Variants in PMEPA1 observed in about 807,000 individuals in gnomAD.
The protein encoded by PMEPA1 is protein TMEPAI.
In PMEPA1, 11 loss-of-function variants were observed where a neutral mutation model predicts 23.0. The observed-to-expected ratio is 0.48, with a 90% CI of 0.30 to 0.79. The LOEUF (loss-of-function observed/expected upper bound fraction) is 0.79. Among genes scored for constraint, PMEPA1 ranks in the 30% least tolerant of loss-of-function variants. The pLI, the probability that PMEPA1 is intolerant of heterozygous loss-of-function variation, is 0.06. For missense variants in PMEPA1, 377 were observed against 390.9 expected, an observed-to-expected ratio of 0.96 and a Z score of 0.30; for synonymous variants, 204 against 166.4, an observed-to-expected ratio of 1.23 and a Z score of -1.74.
At chr20:57,700,136 T>A (rs1238134189) in intron 1 of PMEPA1, 1 of 471,332 alleles carries the variant, frequency 2.1e-6, no homozygotes, top group South Asian at 1.5e-5. Flanking sequence ...CAGCAGAGAC[T>A]CTTCCACTCC....
At chr20:57,698,507 A>G (rs1049438846) in intron 1 of PMEPA1, among the ~76,000 whole-genome samples, 3 of 152,240 alleles carry the variant, frequency 2.0e-5, no homozygotes, top group Non-Finnish European at 2.9e-5. Flanking sequence ...TGGCTTTTAC[A>G]GACACCAATT....
chr20:57,710,665 C>G, upstream of PMEPA1: 1 of 534,926 alleles, frequency 1.9e-6, no homozygotes, highest in Non-Finnish European at 3.3e-6. Flanking sequence ...GCCGGCGGGA[C>G]CTGGGGCGAA....
At chr20:57,674,783 C>A (rs1273280298) in intron 1 of PMEPA1, among the ~76,000 whole-genome samples, 2 of 152,220 alleles carry the variant, frequency 1.3e-5, no homozygotes, top group African/African-American at 4.8e-5. Flanking sequence ...CCAGGCCCTG[C>A]ATGAGCACTG....
chr20:57,699,264 C>T lies in PMEPA1; in HGVS notation c.109+10210G>A, dbSNP rs562352109. ...CTGAGCTCCGCCCAGCTCACACTCT[C>T]GGGCAGCCATCCTGCTTACCACCAA... On this transcript the variant is annotated intron_variant, in intron 1 of 3. Coordinates refer to ENST00000341744, the MANE Select transcript of PMEPA1 (RefSeq NM_020182.5). 3.1e-4 allele frequency among the ~76,000 whole-genome samples: 47 copies of T among 152,328 alleles called. No homozygotes were observed. The South Asian group carries it at 9.1e-3, about 30-fold the overall frequency.
chr20:57,672,369 G>A (rs1234231583), intron 1 of PMEPA1, among the ~76,000 whole-genome samples: 1 of 152,264 alleles, frequency 6.6e-6, no homozygotes, highest in African/African-American at 2.4e-5. Flanking sequence ...AGCCAGGATG[G>A]CGGGCGGCGC....
intron 1 of PMEPA1, among the ~76,000 whole-genome samples, chr20:57,670,650 G>T (rs2071555072): frequency 6.6e-6 from 1 of 152,136 alleles, no homozygotes; most frequent in Admixed American, 6.5e-5. Flanking sequence ...CTGTCAGGCT[G>T]GGTGTGCCTG....
At chr20:57,671,486 T>G (rs2071567751) in intron 1 of PMEPA1, among the ~76,000 whole-genome samples, 1 of 152,106 alleles carries the variant, frequency 6.6e-6, no homozygotes, top group South Asian at 2.1e-4. Flanking sequence ...TCCAGAATCA[T>G]ATCCAGTGGA....
intron 1 of PMEPA1, among the ~76,000 whole-genome samples, chr20:57,671,561 C>A (rs2071568679): frequency 6.6e-6 from 1 of 152,124 alleles, no homozygotes; most frequent in African/African-American, 2.4e-5. Context: ...TATATACACA[C>A]ACATATATAT....
chr20:57,676,871 C>T (rs543798541), intron 1 of PMEPA1, among the ~76,000 whole-genome samples: 24 of 152,334 alleles, frequency 1.6e-4, no homozygotes, highest in African/African-American at 5.8e-4. Flanking sequence ...TCCTCTCTTG[C>T]AAACACACCC....
rs1347045700 is a variant in PMEPA1 at position 57,690,131 on chromosome 20, A to T, written c.109+19343T>A. On this transcript the variant is annotated intron_variant, in intron 1 of 3. Coordinates refer to ENST00000341744, the MANE Select transcript of PMEPA1 (RefSeq NM_020182.5). ...AGAGCCAGCCAGATCTAACCTTCCCACCTGCCTGGCTTTCAGCCTGGGGGC... is the reference window on the plus strand; with the variant it reads ...AGAGCCAGCCAGATCTAACCTTCCCTCCTGCCTGGCTTTCAGCCTGGGGGC... Among the ~76,000 whole-genome samples, 4 of 152,186 alleles carry T rather than the reference A, an allele frequency of 2.6e-5. No individual in the cohort carries two copies. In the East Asian group the frequency reaches 7.7e-4, roughly 29 times the overall value.
At chr20:57,661,799 T>C (rs1336785796) in intron 1 of PMEPA1, among the ~76,000 whole-genome samples, 1 of 152,214 alleles carries the variant, frequency 6.6e-6, no homozygotes, top group Non-Finnish European at 1.5e-5. Context: ...GGAATGTCAC[T>C]GTCTGTGAAG....
At chr20:57,665,559 C>G (rs544944223) in intron 1 of PMEPA1, among the ~76,000 whole-genome samples, 1 of 151,200 alleles carries the variant, frequency 6.6e-6, no homozygotes, top group South Asian at 2.1e-4. Context: ...ATAATGGATG[C>G]GAGAGCTCAG....
intron 1 of PMEPA1, chr20:57,690,260 G>A (rs1434893448): frequency 6.6e-6 from 3 of 456,080 alleles, no homozygotes; most frequent in African/African-American, 2.0e-5. Context: ...GAGACGCTGG[G>A]CAGCGGCTTG....
upstream of PMEPA1, chr20:57,710,102 C>G: frequency 1.1e-6 from 1 of 891,090 alleles, no homozygotes; most frequent in Non-Finnish European, 1.4e-6. Flanking sequence ...GAGGTTCCCC[C>G]GCACCCCCTC....
chr20:57,707,246 C>G (rs1041175289), intron 1 of PMEPA1, among the ~76,000 whole-genome samples: 11 of 152,126 alleles, frequency 7.2e-5, no homozygotes, highest in African/African-American at 2.7e-4. Flanking sequence ...TTCCTTCCCT[C>G]CTTCCTTCCT....
upstream of PMEPA1, chr20:57,710,207 G>A: frequency 2.0e-6 from 1 of 493,962 alleles, no homozygotes; most frequent in Admixed American, 4.4e-5. Flanking sequence ...CGCAACGGAG[G>A]AGGGGCGCTG....
chr20:57,661,473 G>A (rs1193525994), intron 1 of PMEPA1, among the ~76,000 whole-genome samples: 1 of 152,182 alleles, frequency 6.6e-6, no homozygotes, highest in African/African-American at 2.4e-5. Flanking sequence ...GCTGGCATGG[G>A]GGCAAGGAGG....
rs1188438111 is a variant in PMEPA1 at position 57,650,295 on chromosome 20, G to A, written c.*1758C>T. 1 of 152,226 alleles carries A rather than the reference G, an allele frequency of 6.6e-6. No homozygotes were observed. The highest frequency in any genetic ancestry group is 2.4e-5 in the African/African-American group (1 of 41,456). 9.4% of individuals were successfully genotyped at this position (152,226 alleles called of 1,614,324 possible). ...TACTAGTCAGCATTCTGCCCAAAAT[G>A]GAAAGCCACTCCCATGGGAAGGGAG... On this transcript the variant is annotated 3_prime_UTR_variant, in exon 4 of 4. Coordinates refer to ENST00000341744, the MANE Select transcript of PMEPA1 (RefSeq NM_020182.5).
At chr20:57,653,974 G>C (rs534094444) in intron 2 of PMEPA1, among the ~76,000 whole-genome samples, 1 of 152,144 alleles carries the variant, frequency 6.6e-6, no homozygotes, top group African/African-American at 2.4e-5. Context: ...AAACAGGAGA[G>C]TTGAGGAAAG....
Sources: allele counts gnomAD v4.1 joint callset (sites outside exome capture counted in the v4.1 genomes callset), GRCh38; gene constraint gnomAD v4.1.1; transcripts MANE v1.5; gene names NCBI Gene and HGNC (gene_info 2026-07-23, HGNC 2026-07-21).